GPR158: variants seen among roughly 807,000 people sequenced by gnomAD.
GPR158 encodes the protein G protein-coupled receptor 158, also known as metabotropic glycine receptor.
A neutral mutation model predicts 78.2 loss-of-function variants in GPR158; 30 were observed. That is an observed-to-expected ratio of 0.38 (90% CI 0.29 to 0.52). The LOEUF is 0.52. Ranked by LOEUF, GPR158 falls within the 20% of genes least tolerant of loss-of-function variation. The pLI, the probability that GPR158 is intolerant of heterozygous loss-of-function variation, is 0.83. For missense variants in GPR158, 1,463 were observed against 1,523.5 expected, an observed-to-expected ratio of 0.96 and a Z score of 0.66; for synonymous variants, 581 against 591.1, an observed-to-expected ratio of 0.98 and a Z score of 0.25.
intron 7 of GPR158, among the ~76,000 whole-genome samples, chr10:25,582,114 TG>T (rs35041765): frequency 6.6e-6 from 1 of 151,832 alleles, no homozygotes; most frequent in Admixed American, 6.6e-5. Flanking sequence ...CATGGTGGGG[TG>T]GGGGGTCTCT....
At position 25,512,830 on chromosome 10, in the gene GPR158, C is replaced by T. The variant is rs1033853671; in HGVS notation, c.1405-38146C>T. Among the ~76,000 whole-genome samples, 3 of 152,094 alleles carry T rather than the reference C, an allele frequency of 2.0e-5. No individual in the cohort carries two copies. The East Asian group carries it at 5.8e-4, about 29-fold the overall frequency. ...TTAATAACGTTTATGTGCTATATCA[C>T]ATTTATTGACTTGTGGATATTAAAC... is the stretch of plus-strand genomic sequence containing the variant. On this transcript the variant is annotated intron_variant, in intron 5 of 10. Coordinates refer to ENST00000376351, the MANE Select transcript of GPR158 (RefSeq NM_020752.3).
chr10:25,429,197 A>G (rs1834862627), intron 4 of GPR158, among the ~76,000 whole-genome samples: 1 of 152,062 alleles, frequency 6.6e-6, no homozygotes, highest in African/African-American at 2.4e-5. Flanking sequence ...TTTGAAAAGT[A>G]TTGTCACAGG....
intron 2 of GPR158, among the ~76,000 whole-genome samples, chr10:25,308,177 G>T (rs1854709900): frequency 6.6e-6 from 1 of 152,024 alleles, no homozygotes; most frequent in African/African-American, 2.4e-5. Context: ...TTAAGTTCTG[G>T]GGTACATGTG....
chr10:25,228,320 A>G (rs1853401574), intron 2 of GPR158, among the ~76,000 whole-genome samples: 1 of 148,868 alleles, frequency 6.7e-6, no homozygotes, highest in Non-Finnish European at 1.5e-5. Context: ...TAAAATATAT[A>G]AATATAATTC....
At chr10:25,223,375 G>A (rs1853328270) in intron 2 of GPR158, among the ~76,000 whole-genome samples, 1 of 152,118 alleles carries the variant, frequency 6.6e-6, no homozygotes, top group Non-Finnish European at 1.5e-5. Context: ...TGCTCAGGAG[G>A]CCCTCATGGG....
chr10:25,399,916 T>C (rs137996726), intron 3 of GPR158, among the ~76,000 whole-genome samples: 8 of 152,308 alleles, frequency 5.3e-5, no homozygotes, highest in African/African-American at 1.9e-4. Context: ...AATGACCACA[T>C]GTAGCCCTTG....
chr10:25,495,059 G>A (rs193072072), intron 5 of GPR158, among the ~76,000 whole-genome samples: 16 of 151,982 alleles, frequency 1.1e-4, no homozygotes, highest in Admixed American at 2.6e-4. Flanking sequence ...TCAATGGTGG[G>A]GATTGATTCA....
intron 2 of GPR158, among the ~76,000 whole-genome samples, chr10:25,277,316 G>C (rs1854198726): frequency 1.3e-5 from 2 of 152,074 alleles, no homozygotes. Context: ...TTCAGATAAA[G>C]TTATAATGAG....
chr10:25,429,265 A>G (rs1451456323), intron 4 of GPR158, among the ~76,000 whole-genome samples: 1 of 152,086 alleles, frequency 6.6e-6, no homozygotes, highest in Non-Finnish European at 1.5e-5. Flanking sequence ...AGCACTTTCA[A>G]TTCTTACCAA....
In GPR158 at chr10:25,599,294, A is replaced by G. The variant is rs778758486; in HGVS notation, c.*20A>G. 6.5e-7 allele frequency: 1 copy of G among 1,544,674 alleles called. No individual in the cohort carries two copies. The highest frequency in any genetic ancestry group is 8.8e-7 in the Non-Finnish European group (1 of 1,130,820). On this transcript the variant is annotated 3_prime_UTR_variant, in exon 11 of 11. Transcript: ENST00000376351. ...GTGTAGCATCTCCAGGAAGAAGAGGAAAAGGAGGGAACCCCGGATTGGATA... is the reference window on the plus strand; with the variant it reads ...GTGTAGCATCTCCAGGAAGAAGAGGGAAAGGAGGGAACCCCGGATTGGATA...
intron 2 of GPR158, among the ~76,000 whole-genome samples, chr10:25,285,723 A>G (rs1055893060): frequency 2.0e-5 from 3 of 152,122 alleles, no homozygotes; most frequent in African/African-American, 7.2e-5. Context: ...TTTGAATAAA[A>G]CCTTCACAGA....
In GPR158 at chr10:25,302,957, T is replaced by G. The variant is rs1413399; in HGVS notation, c.1008+81800T>G. On this transcript the variant is annotated intron_variant, in intron 2 of 10. Coordinates refer to ENST00000376351, the MANE Select transcript of GPR158 (RefSeq NM_020752.3). ...CATGATTTACTGTGATTTATTTCTT[T>G]GACTCAATTCTTCGTCTGGTAGATG... 5.1e-3 allele frequency among the ~76,000 whole-genome samples: 783 copies of G among 152,344 alleles called. 3 individuals are homozygous for G. The highest frequency in any genetic ancestry group is 7.7e-3 in the Non-Finnish European group (523 of 68,034).
At chr10:25,228,226 G>C (rs1056661284) in intron 2 of GPR158, among the ~76,000 whole-genome samples, 1 of 152,098 alleles carries the variant, frequency 6.6e-6, no homozygotes, top group African/African-American at 2.4e-5. Context: ...AGTGAGTTAT[G>C]ATTGTGCCCC....
chr10:25,307,226 GT>G lies in GPR158; in HGVS notation c.1008+86079del, dbSNP rs575015040. Among the ~76,000 whole-genome samples the G allele has an allele frequency of 2.1e-3, 300 of 145,446 alleles. 1 individual carries two copies. Among genetic ancestry groups the G allele is most frequent in the Non-Finnish European group, 2.6e-3 (172 of 65,976 alleles). ...AAGCATAATTCTATTTAAAGATAGT[GT>G]TTTTTTTTTGCATTGCAAGACTCCA... is the stretch of plus-strand genomic sequence containing the variant. On this transcript the variant is annotated intron_variant, in intron 2 of 10. Transcript: ENST00000376351.
Position 25,176,453 on chromosome 10 carries a change from C to A in GPR158, c.902+131C>A. ...GCTTCTCACCCTCAGAGTAGAGACC[C>A]GGGCTGAGGGACACCCCACGCGGGC... On this transcript the variant is annotated intron_variant, in intron 1 of 10. Coordinates refer to ENST00000376351, the MANE Select transcript of GPR158 (RefSeq NM_020752.3). This position sits in a 1 kb window ranked among gnomAD's most constrained non-coding sequence, Gnocchi z 6.3. 1.3e-6 allele frequency: 1 copy of A among 767,316 alleles called. No homozygotes were observed. Among genetic ancestry groups the A allele is most frequent in the Non-Finnish European group, 2.0e-6 (1 of 499,192 alleles). 47.5% of individuals were successfully genotyped at this position (767,316 alleles called of 1,614,324 possible).
intron 2 of GPR158, among the ~76,000 whole-genome samples, chr10:25,296,747 A>G (rs1039160493): frequency 2.6e-5 from 4 of 152,182 alleles, no homozygotes; most frequent in African/African-American, 9.7e-5. Flanking sequence ...AGATACTATT[A>G]TTATCTTCAT....
At chr10:25,322,873 G>A (rs936524898) in intron 2 of GPR158, among the ~76,000 whole-genome samples, 3 of 152,018 alleles carry the variant, frequency 2.0e-5, no homozygotes, top group African/African-American at 7.3e-5. Flanking sequence ...TTGAGATGGA[G>A]TCTCGCTCTG....
At chr10:25,584,132 G>T (rs566043282) in intron 7 of GPR158, among the ~76,000 whole-genome samples, 1 of 124,542 alleles carries the variant, frequency 8.0e-6, no homozygotes, top group Non-Finnish European at 1.8e-5. Flanking sequence ...AAAGGATCTC[G>T]AAATATAAAT....
chr10:25,452,205 C>T (rs980430802), intron 4 of GPR158, among the ~76,000 whole-genome samples: 4 of 118,674 alleles, frequency 3.4e-5, no homozygotes, highest in Non-Finnish European at 6.0e-5. Flanking sequence ...GCCCAGAAAC[C>T]TTTTAAATAT....
Sources: gnomAD v4.1 joint callset for allele counts (sites outside exome capture counted in the v4.1 genomes callset) on GRCh38, gnomAD v4.1.1 for gene constraint, Gnocchi (gnomAD v3.1) non-coding constraint, MANE v1.5 for transcripts, NCBI Gene and HGNC (gene_info 2026-07-23, HGNC 2026-07-21) for gene names.